MIPEP: variants seen among roughly 807,000 people sequenced by gnomAD.
MIPEP encodes the protein mitochondrial intermediate peptidase.
In MIPEP, 79 loss-of-function variants were observed where a neutral mutation model predicts 90.3. The ratio of observed to expected loss-of-function variants is 0.87; its 90% CI spans 0.73 to 1.05. The LOEUF (loss-of-function observed/expected upper bound fraction) is 1.05. Among genes scored for constraint, MIPEP ranks in the 50% least tolerant of loss-of-function variants. The pLI is 0.00. For synonymous variants in MIPEP, 334 were observed against 315.8 expected (o/e 1.06, Z -0.61); for missense variants, 940 against 905.6 (o/e 1.04, Z -0.49).
intron 10 of MIPEP, among the ~76,000 whole-genome samples, chr13:23,843,097 CAAAAAAAAAAAA>C (rs397977292): frequency 3.7e-5 from 2 of 53,562 alleles, no homozygotes; most frequent in Non-Finnish European, 7.9e-5. Flanking sequence ...CTCTCCATCT[CAAAAAAAAAAAA>C]AAAAAAAAAA....
chr13:23,738,418 C>A (rs1952287674), intron 18 of MIPEP, among the ~76,000 whole-genome samples: 1 of 151,056 alleles, frequency 6.6e-6, no homozygotes, highest in Non-Finnish European at 1.5e-5. Context: ...ATTAGAGATC[C>A]CTGTATATAT....
intron 18 of MIPEP, among the ~76,000 whole-genome samples, chr13:23,754,118 G>A (rs192291255): frequency 2.5e-4 from 38 of 152,162 alleles, no homozygotes; most frequent in Admixed American, 2.3e-3. Context: ...TACTGCCAAC[G>A]AGATCCTGTA....
rs757033098 is a variant in MIPEP at position 23,805,946 on chromosome 13, T to C, written c.1848+4A>G. On this transcript the variant is annotated splice_donor_region_variant and intron_variant, in intron 16 of 18. Coordinates refer to ENST00000382172, the MANE Select transcript of MIPEP (RefSeq NM_005932.4). ...ACAAAACAGAAGCCAAATGCTGGACTCACAGTATTTGGAACATATGGTAGG... is the reference window on the plus strand; with the variant it reads ...ACAAAACAGAAGCCAAATGCTGGACCCACAGTATTTGGAACATATGGTAGG... 1 of 1,613,626 alleles carries C rather than the reference T, an allele frequency of 6.2e-7. No homozygotes were observed. Among genetic ancestry groups the C allele is most frequent in the Admixed American group, 1.7e-5 (1 of 59,988 alleles).
At chr13:23,822,441 C>A (rs1438486688) in intron 14 of MIPEP, among the ~76,000 whole-genome samples, 1 of 152,220 alleles carries the variant, frequency 6.6e-6, no homozygotes, top group East Asian at 1.9e-4. Flanking sequence ...GGCTGTACTA[C>A]GGTTGGGTAA....
chr13:23,831,427 T>C lies in MIPEP; in HGVS notation c.1653+4813A>G, dbSNP rs907495797. 4.2e-4 allele frequency among the ~76,000 whole-genome samples: 63 copies of C among 148,490 alleles called. 2 individuals are homozygous for C. The highest frequency in any genetic ancestry group is 1.6e-4 in the Non-Finnish European group (11 of 67,562). ...GGAATTGCCTTACTGCATTTTGTGTTGCTATAACAGAATATCTGAGACTGG... is the reference window on the plus strand; with the variant it reads ...GGAATTGCCTTACTGCATTTTGTGTCGCTATAACAGAATATCTGAGACTGG... On this transcript the variant is annotated intron_variant, in intron 14 of 18. Coordinates refer to ENST00000382172, the MANE Select transcript of MIPEP (RefSeq NM_005932.4).
rs1453386449 is a variant in MIPEP, at chr13:23,881,662, G to A, written c.452+37C>T. The A allele has an allele frequency of 3.3e-6, 5 of 1,531,720 alleles. No homozygotes were observed. In the Admixed American group the frequency reaches 5.0e-5, roughly 15 times the overall value. 94.9% of individuals were successfully genotyped at this position (1,531,720 alleles called of 1,614,324 possible). A position where few individuals can be genotyped will look rare whatever the true frequency, so the allele number is the denominator to read the frequency against. On this transcript the variant is annotated intron_variant, in intron 3 of 18. Transcript: ENST00000382172. ...AAGTCCATGAAACCGGATCACCCAGGACTTGGCATGGAGGTGGGGAGGGGA... is the reference window on the plus strand; with the variant it reads ...AAGTCCATGAAACCGGATCACCCAGAACTTGGCATGGAGGTGGGGAGGGGA...
At chr13:23,825,187 A>G (rs1311797998) in intron 14 of MIPEP, among the ~76,000 whole-genome samples, 1 of 152,234 alleles carries the variant, frequency 6.6e-6, no homozygotes, top group Non-Finnish European at 1.5e-5. Flanking sequence ...GCTCAGATCC[A>G]TCTCTACTTC....
chr13:23,836,146 T>A, intron 14 of MIPEP, 94 bp downstream of exon 14: 3 of 679,852 alleles, frequency 4.4e-6, no homozygotes, highest in Non-Finnish European at 7.1e-6. Flanking sequence ...AGAGGGTGAG[T>A]TCTGAAAAGC....
chr13:23,839,579 C>A, intron 12 of MIPEP, 70 bp downstream of exon 12: 2 of 969,318 alleles, frequency 2.1e-6, no homozygotes, highest in Admixed American at 2.7e-5. Flanking sequence ...AAAAATGATA[C>A]AAAGTTCACA....
At chr13:23,884,669 G>A (rs183648194) in intron 2 of MIPEP, among the ~76,000 whole-genome samples, 1 of 152,198 alleles carries the variant, frequency 6.6e-6, no homozygotes, top group Non-Finnish European at 1.5e-5. Flanking sequence ...CAGCTAACTA[G>A]GCTGTAGAAA....
intron 16 of MIPEP, among the ~76,000 whole-genome samples, chr13:23,797,920 G>T (rs1565997146): frequency 6.6e-6 from 1 of 152,192 alleles, no homozygotes; most frequent in Non-Finnish European, 1.5e-5. Flanking sequence ...ATAACGAGAT[G>T]TCTGACAGGA....
chr13:23,806,608 G>A (rs949640565), intron 15 of MIPEP, among the ~76,000 whole-genome samples: 1 of 151,890 alleles, frequency 6.6e-6, no homozygotes, highest in Admixed American at 6.6e-5. Flanking sequence ...AACCTGGGAG[G>A]CGGAGCTCGC....
At chr13:23,847,799 G>T (rs1243224159) in intron 10 of MIPEP, among the ~76,000 whole-genome samples, 1 of 152,212 alleles carries the variant, frequency 6.6e-6, no homozygotes, top group Non-Finnish European at 1.5e-5. Flanking sequence ...GATGGTGATT[G>T]TGATAAAGTT....
intron 18 of MIPEP, among the ~76,000 whole-genome samples, chr13:23,731,256 T>A (rs1368684148): frequency 6.6e-6 from 1 of 152,206 alleles, no homozygotes; most frequent in African/African-American, 2.4e-5. Context: ...AAAACCATTT[T>A]CAAAATCAAG....
At chr13:23,886,832 AAT>A (rs3077102) in intron 1 of MIPEP, among the ~76,000 whole-genome samples, 40 of 149,436 alleles carry the variant, frequency 2.7e-4, no homozygotes, top group Non-Finnish European at 2.2e-4. Context: ...CATATATGTA[AAT>A]ATATATATAT....
At chr13:23,785,063 T>C (rs1402799857) in intron 16 of MIPEP, among the ~76,000 whole-genome samples, 2 of 152,182 alleles carry the variant, frequency 1.3e-5, no homozygotes, top group East Asian at 1.9e-4. Context: ...AGTTCAACCA[T>C]TGTGGAAGAC....
At chr13:23,845,474 C>A (rs1052960963) in intron 10 of MIPEP, among the ~76,000 whole-genome samples, 1 of 152,170 alleles carries the variant, frequency 6.6e-6, no homozygotes, top group African/African-American at 2.4e-5. Flanking sequence ...ACAGAAAATG[C>A]ATCCCGTTAG....
intron 16 of MIPEP, among the ~76,000 whole-genome samples, chr13:23,778,236 T>C (rs556641082): frequency 6.6e-6 from 1 of 152,278 alleles, no homozygotes; most frequent in East Asian, 1.9e-4. Flanking sequence ...CAAAAAAACA[T>C]ACACATGTGA....
chr13:23,794,674 G>A (rs554381281), intron 16 of MIPEP, among the ~76,000 whole-genome samples: 1 of 152,070 alleles, frequency 6.6e-6, no homozygotes, highest in Non-Finnish European at 1.5e-5. Context: ...AAGAAAAAAA[G>A]GGCAGCATTA....
Sources: allele counts gnomAD v4.1 joint callset (sites outside exome capture counted in the v4.1 genomes callset), GRCh38; gene constraint gnomAD v4.1.1; transcripts MANE v1.5; gene names NCBI Gene and HGNC (gene_info 2026-07-23, HGNC 2026-07-21).